NALCN: variants seen among roughly 807,000 people sequenced by gnomAD.
NALCN encodes sodium leak channel, non-selective.
A neutral mutation model predicts 225.3 loss-of-function variants in NALCN; 111 were observed. The observed-to-expected ratio is 0.49, with a 90% CI of 0.42 to 0.58. The LOEUF (loss-of-function observed/expected upper bound fraction) is 0.58, where lower values mean the gene tolerates loss of function less well. Among genes scored for constraint, NALCN ranks in the 20% least tolerant of loss-of-function variants. NALCN has a pLI of 0.00. For missense variants in NALCN, 1,378 were observed against 2,202.4 expected, an observed-to-expected ratio of 0.63 and a Z score of 7.49; for synonymous variants, 764 against 769.0, an observed-to-expected ratio of 0.99 and a Z score of 0.11.
chr13:101,265,927 T>C (rs1344167384), intron 10 of NALCN, among the ~76,000 whole-genome samples: 1 of 152,224 alleles, frequency 6.6e-6, no homozygotes, highest in Non-Finnish European at 1.5e-5. Flanking sequence ...TATAAGTACA[T>C]GAACCCTAAA....
At chr13:101,214,253 T>TA (rs1281807300) in intron 13 of NALCN, among the ~76,000 whole-genome samples, 1 of 150,854 alleles carries the variant, frequency 6.6e-6, no homozygotes, top group Non-Finnish European at 1.5e-5. Flanking sequence ...AATGAGAACA[T>TA]TTGGACACAG....
intron 17 of NALCN, among the ~76,000 whole-genome samples, chr13:101,125,571 C>T (rs925990586): frequency 6.6e-6 from 1 of 151,938 alleles, no homozygotes; most frequent in Admixed American, 6.6e-5. Flanking sequence ...AGTGAATAGC[C>T]TAGATAGGAA....
At position 101,341,661 on chromosome 13, in the gene NALCN, T is replaced by G. The variant is rs74117876; in HGVS notation, c.799+3605A>C. On this transcript the variant is annotated intron_variant, in intron 7 of 43. Transcript: ENST00000251127. ...ATAGATGTGGTCCTCATTCTTTCAATTATGACTCATCTTTGAAATAAATTT... is the reference window on the plus strand; with the variant it reads ...ATAGATGTGGTCCTCATTCTTTCAAGTATGACTCATCTTTGAAATAAATTT... Among the ~76,000 whole-genome samples the G allele has an allele frequency of 7.3e-3, 1,118 of 152,326 alleles. 14 individuals are homozygous for G. The highest frequency in any genetic ancestry group is 0.026 in the African/African-American group (1,060 of 41,566).
Position 101,311,895 on chromosome 13 carries a change from C to G in NALCN, c.800-19529G>C, listed in dbSNP as rs571154365. Among the ~76,000 whole-genome samples the G allele has an allele frequency of 2.0e-5, 3 of 151,986 alleles. No homozygotes were observed. The South Asian group carries it at 6.3e-4, about 32-fold the overall frequency. On this transcript the variant is annotated intron_variant, in intron 7 of 43. Transcript: ENST00000251127. ...CTCATAAAATGAGTTAGGGAGGATT[C>G]CCTCTTTTTCTATTGATTGGAATAG...
chr13:101,279,469 A>G (rs906544977), intron 10 of NALCN, among the ~76,000 whole-genome samples: 1 of 152,204 alleles, frequency 6.6e-6, no homozygotes, highest in African/African-American at 2.4e-5. Flanking sequence ...CTTCCTTTTA[A>G]TTTTATTTCC....
At chr13:101,191,839 A>G (rs2039692739) in intron 14 of NALCN, 78 bp downstream of exon 14, 1 of 1,475,188 alleles carries the variant, frequency 6.8e-7, no homozygotes, top group East Asian at 2.4e-5. Flanking sequence ...TTTGAAATTG[A>G]CAATAGGCCA....
chr13:101,055,469 A>G lies in NALCN; in HGVS notation c.5043T>C (p.His1681=), dbSNP rs768215680. The G allele has an allele frequency of 1.2e-6, 2 of 1,614,008 alleles. No individual in the cohort carries two copies. The highest frequency in any genetic ancestry group is 1.1e-5 in the South Asian group (1 of 91,060). ...RLPSAPKPIS[H]SVSSVNLRFG... Reference sequence around the variant, plus strand: ...ACCGTAAGTTGACTGAGGACACTGAATGGCTTATTGGTTTTGGGGCTGTGG... The same window carrying G: ...ACCGTAAGTTGACTGAGGACACTGAGTGGCTTATTGGTTTTGGGGCTGTGG... Residue 1681 remains histidine, a synonymous_variant, in exon 44 of 44, where the codon CAT becomes CAC. Coordinates refer to ENST00000251127, the MANE Select transcript of NALCN (RefSeq NM_052867.4).
intron 37 of NALCN, among the ~76,000 whole-genome samples, chr13:101,072,439 A>G (rs1187023406): frequency 6.6e-6 from 1 of 152,152 alleles, no homozygotes; most frequent in East Asian, 1.9e-4. Context: ...AAACTCTCTC[A>G]TTGTTTACAG....
intron 16 of NALCN, among the ~76,000 whole-genome samples, chr13:101,144,312 T>C (rs1171567983): frequency 1.3e-5 from 2 of 152,208 alleles, no homozygotes; most frequent in African/African-American, 4.8e-5. Flanking sequence ...GTAGGCTCCA[T>C]AAACACTGTA....
In NALCN at chr13:101,062,172, C is replaced by G. The variant is rs2032006082; in HGVS notation, c.4605-54G>C. The G allele has an allele frequency of 1.8e-5, 28 of 1,585,290 alleles. 1 individual carries two copies. In the South Asian group the frequency reaches 3.1e-4, roughly 18 times the overall value. ...AGCTCTGATTCACCTGAGATTTACA[C>G]CCTTAGATACGTCAAAATCCAGAGA... On this transcript the variant is annotated intron_variant, in intron 40 of 43. Coordinates refer to ENST00000251127, the MANE Select transcript of NALCN (RefSeq NM_052867.4).
At chr13:101,208,819 C>T (rs931334071) in intron 13 of NALCN, among the ~76,000 whole-genome samples, 3 of 152,318 alleles carry the variant, frequency 2.0e-5, no homozygotes, top group South Asian at 4.1e-4. Flanking sequence ...TCCCCTTTCA[C>T]CTTCTGCCAT....
intron 28 of NALCN, among the ~76,000 whole-genome samples, chr13:101,093,429 G>T (rs2034338470): frequency 6.6e-6 from 1 of 152,114 alleles, no homozygotes; most frequent in South Asian, 2.1e-4. Flanking sequence ...AGTTATCATG[G>T]TTACAGATGA....
chr13:101,250,020 T>C (rs764026121), intron 11 of NALCN, among the ~76,000 whole-genome samples: 3 of 152,094 alleles, frequency 2.0e-5, no homozygotes, highest in Non-Finnish European at 4.4e-5. Context: ...AAACAACCAA[T>C]TGTAGTAAAG....
chr13:101,055,730 A>G (rs2031153276), intron 43 of NALCN, among the ~76,000 whole-genome samples: 2 of 151,986 alleles, frequency 1.3e-5, no homozygotes, highest in Non-Finnish European at 2.9e-5. Flanking sequence ...CACCCCTTTC[A>G]TTTTGAAATA....
intron 15 of NALCN, among the ~76,000 whole-genome samples, chr13:101,149,654 C>T (rs888995288): frequency 6.6e-6 from 1 of 152,208 alleles, no homozygotes; most frequent in Non-Finnish European, 1.5e-5. Context: ...AGGTTCTTCA[C>T]GATTGTGCAA....
chr13:101,386,411 G>A (rs2046988063), intron 3 of NALCN, among the ~76,000 whole-genome samples: 1 of 152,088 alleles, frequency 6.6e-6, no homozygotes, highest in Non-Finnish European at 1.5e-5. Flanking sequence ...GCTCTGCTTG[G>A]TTTTGTCTGT....
At chr13:101,263,395 A>G (rs1349300016) in intron 10 of NALCN, among the ~76,000 whole-genome samples, 1 of 152,182 alleles carries the variant, frequency 6.6e-6, no homozygotes, top group East Asian at 1.9e-4. Context: ...GTTAAATTCC[A>G]TTACTATTAT....
chr13:101,301,785 A>G (rs2043981780), intron 7 of NALCN, among the ~76,000 whole-genome samples: 1 of 151,754 alleles, frequency 6.6e-6, no homozygotes, highest in South Asian at 2.1e-4. Flanking sequence ...GTTAGCTGTC[A>G]TTTACAGTTC....
intron 7 of NALCN, among the ~76,000 whole-genome samples, chr13:101,306,706 C>G (rs1001216267): frequency 1.3e-5 from 2 of 152,210 alleles, no homozygotes; most frequent in African/African-American, 4.8e-5. Flanking sequence ...TCAGGCTTGG[C>G]TCATTTAATC....
Sources: gnomAD v4.1 joint callset for allele counts (sites outside exome capture counted in the v4.1 genomes callset) on GRCh38, gnomAD v4.1.1 for gene constraint, MANE v1.5 for transcripts, NCBI Gene and HGNC (gene_info 2026-07-23, HGNC 2026-07-21) for gene names.